Variants in CSMD1 observed in about 807,000 individuals in gnomAD.
CSMD1 encodes CUB and sushi domain-containing protein 1.
A neutral mutation model predicts 417.5 loss-of-function variants in CSMD1; 213 were observed. The observed-to-expected ratio is 0.51, with a 90% confidence interval of 0.46 to 0.57. CSMD1 has a LOEUF of 0.57. Ranked by LOEUF, CSMD1 falls within the 20% of genes least tolerant of loss-of-function variation. The pLI is 0.00. For synonymous variants in CSMD1, 2,862 were observed against 1,736.8 expected (o/e 1.65, Z -16.11); for missense variants, 6,923 against 4,529.7 (o/e 1.53, Z -15.17).
At chr8:4,916,967 C>T (rs1477739667) in intron 1 of CSMD1, among the ~76,000 whole-genome samples, 1 of 152,152 alleles carries the variant, frequency 6.6e-6, no homozygotes, top group African/African-American at 2.4e-5. Flanking sequence ...CGCAGGTGTA[C>T]AGGGTTCAGT....
intron 12 of CSMD1, among the ~76,000 whole-genome samples, chr8:3,439,311 T>TATATATA (rs1563390619): frequency 8.3e-5 from 3 of 36,298 alleles, no homozygotes; most frequent in East Asian, 2.3e-3. Context: ...ATATATATAT[T>TATATATA]TTTTTTTTTA....
chr8:2,936,077 C>T lies in CSMD1; in HGVS notation c.*2508G>A, dbSNP rs924810443. The T allele has an allele frequency of 6.6e-6, 1 of 152,114 alleles. No individual in the cohort carries two copies. The highest frequency in any genetic ancestry group is 1.5e-5 in the Non-Finnish European group (1 of 68,034). 9.4% of individuals were successfully genotyped at this position (152,114 alleles called of 1,614,324 possible). ...AGACGCCGTTCAACACTGCACACAA[C>T]CTTAGGAAGAAACTAGGCAGAATTC... is the stretch of plus-strand genomic sequence containing the variant. On this transcript the variant is annotated 3_prime_UTR_variant, in exon 70 of 70. Transcript: ENST00000635120.
At chr8:4,406,810 A>G (rs564379159) in intron 3 of CSMD1, among the ~76,000 whole-genome samples, 3 of 152,344 alleles carry the variant, frequency 2.0e-5, no homozygotes, top group Admixed American at 1.3e-4. Context: ...GAAGGTGACT[A>G]ACAAAGTTGT....
intron 3 of CSMD1, among the ~76,000 whole-genome samples, chr8:4,353,069 A>G (rs936735741): frequency 4.6e-5 from 7 of 152,200 alleles, no homozygotes; most frequent in African/African-American, 1.7e-4. Context: ...AAAATCAGAT[A>G]TTGTCAACTT....
chr8:3,188,330 G>A (rs1402483113), intron 35 of CSMD1, among the ~76,000 whole-genome samples: 1 of 78,884 alleles, frequency 1.3e-5, no homozygotes, highest in African/African-American at 4.8e-5. Flanking sequence ...TTTTTGAGAT[G>A]GAGTCTTCCT....
intron 1 of CSMD1, among the ~76,000 whole-genome samples, chr8:4,903,588 A>G (rs1415352270): frequency 2.6e-5 from 4 of 152,244 alleles, no homozygotes; most frequent in Non-Finnish European, 5.9e-5. Context: ...ATACCTGTAA[A>G]TGTCAACTTG....
intron 1 of CSMD1, among the ~76,000 whole-genome samples, chr8:4,734,696 G>T (rs958512971): frequency 1.3e-5 from 2 of 152,096 alleles, no homozygotes; most frequent in African/African-American, 2.4e-5. Context: ...TGAGTGGGCC[G>T]TTCAAGCAAA....
intron 5 of CSMD1, among the ~76,000 whole-genome samples, chr8:3,818,810 T>G (rs1007493035): frequency 1.2e-4 from 19 of 152,318 alleles, no homozygotes; most frequent in African/African-American, 4.6e-4. Flanking sequence ...CTCTTTCCCT[T>G]TGAGTCGCTG....
At chr8:4,709,444 G>A (rs1339931578) in intron 1 of CSMD1, among the ~76,000 whole-genome samples, 1 of 152,166 alleles carries the variant, frequency 6.6e-6, no homozygotes, top group Non-Finnish European at 1.5e-5. Flanking sequence ...CTCAACACAG[G>A]AAATAGAGGG....
At chr8:4,083,815 G>A (rs867886584) in intron 3 of CSMD1, among the ~76,000 whole-genome samples, 1 of 152,070 alleles carries the variant, frequency 6.6e-6, no homozygotes, top group Non-Finnish European at 1.5e-5. Context: ...CAAAAGCAAT[G>A]GCAACAAAAG....
intron 2 of CSMD1, among the ~76,000 whole-genome samples, chr8:4,463,341 T>C (rs914940223): frequency 3.3e-5 from 5 of 152,260 alleles, no homozygotes; most frequent in Non-Finnish European, 7.4e-5. Context: ...GGTGAGAATA[T>C]AGAATGGTGC....
chr8:4,894,568 A>AG lies in CSMD1; in HGVS notation c.85+99763_85+99764insC, dbSNP rs56170701. Among the ~76,000 whole-genome samples, 19 of 147,526 alleles carry AG rather than the reference A, an allele frequency of 1.3e-4. No individual in the cohort carries two copies. The South Asian group carries it at 1.3e-3, about 10-fold the overall frequency. On this transcript the variant is annotated intron_variant, in intron 1 of 69. Coordinates refer to ENST00000635120, the MANE Select transcript of CSMD1 (RefSeq NM_033225.6). ...AACTCATCTCAAAAAAGAAAAAAAA[A>AG]AAAAAAAGCTACATTGGCAATATTG...
intron 3 of CSMD1, among the ~76,000 whole-genome samples, chr8:4,148,651 T>A (rs57196944): frequency 0.12 from 18,620 of 152,136 alleles, 1,984 homozygotes; most frequent in African/African-American, 0.27. Flanking sequence ...ACCTTGTGGA[T>A]GGCAGAGAGA....
At chr8:4,022,945 G>T (rs921259835) in intron 4 of CSMD1, among the ~76,000 whole-genome samples, 1 of 152,172 alleles carries the variant, frequency 6.6e-6, no homozygotes, top group East Asian at 1.9e-4. Context: ...GAAAAATAAG[G>T]ATAATTCAAA....
chr8:4,244,995 A>C (rs1427407878), intron 3 of CSMD1, among the ~76,000 whole-genome samples: 2 of 152,214 alleles, frequency 1.3e-5, no homozygotes, highest in Admixed American at 1.3e-4. Flanking sequence ...GTAAATCGAC[A>C]AACATCAAAA....
chr8:3,844,602 G>C (rs1400985044), intron 5 of CSMD1, among the ~76,000 whole-genome samples: 1 of 152,130 alleles, frequency 6.6e-6, no homozygotes, highest in Non-Finnish European at 1.5e-5. Flanking sequence ...GAAAAGGCAA[G>C]GGGGTGTCCT....
chr8:4,145,677 C>G (rs1360871727), intron 3 of CSMD1, among the ~76,000 whole-genome samples: 5 of 150,966 alleles, frequency 3.3e-5, no homozygotes, highest in Non-Finnish European at 7.3e-5. Context: ...CCTCACAACA[C>G]CACACCTGGC....
At chr8:4,333,193 C>A (rs981588942) in intron 3 of CSMD1, among the ~76,000 whole-genome samples, 3 of 152,086 alleles carry the variant, frequency 2.0e-5, no homozygotes, top group South Asian at 2.1e-4. Context: ...GATATCATGC[C>A]ACTCACAGTT....
At chr8:4,155,418 G>A (rs1229049478) in intron 3 of CSMD1, among the ~76,000 whole-genome samples, 1 of 152,160 alleles carries the variant, frequency 6.6e-6, no homozygotes, top group Non-Finnish European at 1.5e-5. Context: ...ATCAGAACTT[G>A]CCTCTGTTTG....
Sources: gnomAD v4.1 joint callset for allele counts (sites outside exome capture counted in the v4.1 genomes callset) on GRCh38, gnomAD v4.1.1 for gene constraint, MANE v1.5 for transcripts, NCBI Gene and HGNC (gene_info 2026-07-23, HGNC 2026-07-21) for gene names.